FRMPD4: variants seen among roughly 807,000 people sequenced by gnomAD.
FRMPD4 encodes the protein FERM and PDZ domain-containing protein 4.
Under a neutral mutation model 94.1 loss-of-function variants are expected in FRMPD4, and 22 were observed. The ratio of observed to expected loss-of-function variants is 0.23; its 90% CI spans 0.17 to 0.33. FRMPD4 has a LOEUF of 0.33. Ranked by LOEUF, FRMPD4 falls within the 10% of genes least tolerant of loss-of-function variation. The pLI is 1.00. For missense variants in FRMPD4, 1,111 were observed against 1,339.9 expected, an observed-to-expected ratio of 0.83 and a Z score of 2.67; for synonymous variants, 631 against 548.6, an observed-to-expected ratio of 1.15 and a Z score of -2.10.
intron 4 of FRMPD4, among the ~76,000 whole-genome samples, chrX:12,617,936 C>T (rs759444669): frequency 1.8e-5 from 2 of 111,038 alleles, no homozygotes; most frequent in East Asian, 2.8e-4. Flanking sequence ...TTTGCAGAGA[C>T]CAATTTACTG....
At position 12,675,634 on chromosome X, in the gene FRMPD4, C is replaced by T. The variant is rs143154111; in HGVS notation, c.468+726C>T. Among the ~76,000 whole-genome samples, 1,010 of 111,157 alleles carry T rather than the reference C, an allele frequency of 9.1e-3. 6 individuals carry two copies. The highest frequency in any genetic ancestry group is 0.028 in the Middle Eastern group (6 of 217). ...GTTGCCACACTCAGTCCTAGGCAAC[C>T]GCTAATTTCCTTTCTATTTGTATAG... On this transcript the variant is annotated intron_variant, in intron 5 of 16. Coordinates refer to ENST00000675598, the MANE Select transcript of FRMPD4 (RefSeq NM_001368397.1).
intron 3 of FRMPD4, among the ~76,000 whole-genome samples, chrX:11,987,098 TAAAAAAAAAAAAA>T (rs35377550): frequency 0.19 from 4,060 of 21,812 alleles, 177 homozygotes; most frequent in East Asian, 0.49. Context: ...AAAGACACAT[TAAAAAAAAAAAAA>T]AAAAAAAAAA....
chrX:12,435,650 G>A (rs1221576353), intron 1 of FRMPD4, among the ~76,000 whole-genome samples: 1 of 111,616 alleles, frequency 9.0e-6, no homozygotes, highest in Non-Finnish European at 1.9e-5. Context: ...TCATAAATAA[G>A]TTTGGCCTTA....
At chrX:11,948,341 T>C (rs2054201784) in intron 3 of FRMPD4, among the ~76,000 whole-genome samples, 1 of 110,946 alleles carries the variant, frequency 9.0e-6, no homozygotes, top group Admixed American at 9.6e-5. Flanking sequence ...ATTAGTGCCC[T>C]TATATGAGGG....
At chrX:12,101,474 G>T (rs1192754396) in intron 3 of FRMPD4, among the ~76,000 whole-genome samples, 2 of 111,737 alleles carry the variant, frequency 1.8e-5, no homozygotes, top group Non-Finnish European at 3.8e-5. Context: ...CTACATGGTT[G>T]CTCTTCAGAG....
chrX:12,451,184 G>T (rs1163917358), intron 1 of FRMPD4, among the ~76,000 whole-genome samples: 2 of 111,365 alleles, frequency 1.8e-5, no homozygotes, highest in African/African-American at 6.5e-5. Flanking sequence ...TCAAGTCTTT[G>T]CTCGGATTCC....
At chrX:12,682,289 A>T (rs2059980515) in intron 5 of FRMPD4, among the ~76,000 whole-genome samples, 1 of 112,208 alleles carries the variant, frequency 8.9e-6, no homozygotes. Context: ...TTTTACTTGA[A>T]AACCAAAGTA....
rs1286065082 is a variant in FRMPD4, at chrX:11,885,232, G to A, written c.95+7214G>A. ...GGAAATGGACACAGGCTACAACATG[G>A]ATGAACCTTCAGGATATTATGCTAA... On this transcript the variant is annotated intron_variant, in intron 3 of 18. Coordinates refer to the FRMPD4 transcript ENST00000640291. Among the ~76,000 whole-genome samples the A allele has an allele frequency of 4.5e-5, 5 of 111,747 alleles. No individual in the cohort carries two copies. In the Admixed American group the frequency reaches 4.8e-4, roughly 11 times the overall value.
At chrX:12,463,710 T>TTTTTTTA (rs2057420107) in intron 1 of FRMPD4, among the ~76,000 whole-genome samples, 1 of 100,748 alleles carries the variant, frequency 9.9e-6, no homozygotes, top group Non-Finnish European at 2.0e-5. Flanking sequence ...TTTTTTTTTT[T>TTTTTTTA]AACAGAGCAT....
chrX:12,331,666 A>AT (rs1169541227), intron 1 of FRMPD4, among the ~76,000 whole-genome samples: 4 of 76,012 alleles, frequency 5.3e-5, no homozygotes, highest in East Asian at 3.8e-4. Flanking sequence ...TATAATATAT[A>AT]AATATATAAA....
At chrX:12,027,398 C>G (rs1287997057) in intron 3 of FRMPD4, among the ~76,000 whole-genome samples, 1 of 111,892 alleles carries the variant, frequency 8.9e-6, no homozygotes, top group African/African-American at 3.2e-5. Flanking sequence ...ATTTCCTCAA[C>G]CACATAAATA....
intron 2 of FRMPD4, among the ~76,000 whole-genome samples, chrX:12,543,125 C>T (rs2148314713): frequency 9.0e-6 from 1 of 111,018 alleles, no homozygotes; most frequent in South Asian, 3.8e-4. Flanking sequence ...AGACCTAAAA[C>T]CATAAAAACC....
intron 9 of FRMPD4, among the ~76,000 whole-genome samples, chrX:12,697,225 C>T (rs1291230018): frequency 8.9e-6 from 1 of 112,145 alleles, no homozygotes; most frequent in Non-Finnish European, 1.9e-5. Flanking sequence ...GGACCCCTCA[C>T]TTGTCAACAA....
chrX:12,549,670 G>A (rs2058513384), intron 2 of FRMPD4, among the ~76,000 whole-genome samples: 1 of 112,067 alleles, frequency 8.9e-6, no homozygotes, highest in African/African-American at 3.2e-5. Flanking sequence ...TGGGCTTCAT[G>A]CTGCTGTTAG....
At chrX:12,167,107 T>C (rs2147635983) in intron 1 of FRMPD4, among the ~76,000 whole-genome samples, 1 of 111,759 alleles carries the variant, frequency 8.9e-6, no homozygotes, top group African/African-American at 3.3e-5. Context: ...TTTGAATGTG[T>C]TTGCTCTTGC....
At chrX:11,960,512 T>C (rs1475626933) in intron 3 of FRMPD4, among the ~76,000 whole-genome samples, 1 of 112,434 alleles carries the variant, frequency 8.9e-6, no homozygotes, top group Non-Finnish European at 1.9e-5. Flanking sequence ...TTTTTAAAGA[T>C]TCTTTTGGCT....
At chrX:11,929,407 C>A (rs1387334477) in intron 3 of FRMPD4, among the ~76,000 whole-genome samples, 1 of 112,328 alleles carries the variant, frequency 8.9e-6, no homozygotes, top group Non-Finnish European at 1.9e-5. Context: ...CCTGAGGGGG[C>A]TCTTCTCCAG....
chrX:12,261,891 T>C (rs2054194461), intron 1 of FRMPD4, among the ~76,000 whole-genome samples: 1 of 112,434 alleles, frequency 8.9e-6, no homozygotes, highest in South Asian at 3.7e-4. Context: ...AATAAAAATA[T>C]TAGATTTTTA....
At chrX:12,305,725 G>GTTTTTTTTTGTTTTTTTTTTTT (rs563804861) in intron 1 of FRMPD4, among the ~76,000 whole-genome samples, 4 of 59,717 alleles carry the variant, frequency 6.7e-5, no homozygotes, top group African/African-American at 3.0e-4. Flanking sequence ...AGCTGGCTAA[G>GTTTTTTTTTGTTTTTTTTTTTT]TTTTTTTTTT....
Sources: allele counts gnomAD v4.1 joint callset (sites outside exome capture counted in the v4.1 genomes callset), GRCh38; gene constraint gnomAD v4.1.1; transcripts MANE v1.5; gene names NCBI Gene and HGNC (gene_info 2026-07-23, HGNC 2026-07-21).